The following PCDH7 variants were observed in gnomAD, a reference collection of about 807,000 sequenced individuals.
The protein encoded by PCDH7 is protocadherin 7.
In PCDH7, 17 loss-of-function variants were observed where a neutral mutation model predicts 58.9. The ratio of observed to expected loss-of-function variants is 0.29; its 90% CI spans 0.20 to 0.43. PCDH7 has a LOEUF of 0.43. PCDH7 is among the 20% of genes least tolerant of loss of function. PCDH7 has a pLI of 1.00. For missense variants in PCDH7, 1,274 were observed against 1,441.0 expected (o/e 0.88, Z 1.88); for synonymous variants, 664 against 616.4 (o/e 1.08, Z -1.14).
At chr4:30,728,296 T>TATATAG (rs1300466192) in intron 1 of PCDH7, among the ~76,000 whole-genome samples, 9 of 105,394 alleles carry the variant, frequency 8.5e-5, no homozygotes, top group African/African-American at 2.3e-4. Flanking sequence ...TATATATATA[T>TATATAG]AGAGAGAGAG....
intron 1 of PCDH7, among the ~76,000 whole-genome samples, chr4:30,898,630 G>A (rs559142425): frequency 3.9e-5 from 6 of 152,176 alleles, no homozygotes; most frequent in South Asian, 2.1e-4. Flanking sequence ...TTGCTCTGTC[G>A]CCCAGGCTGG....
intron 1 of PCDH7, among the ~76,000 whole-genome samples, chr4:30,853,361 A>C (rs1245327050): frequency 1.3e-5 from 2 of 152,050 alleles, no homozygotes; most frequent in Non-Finnish European, 2.9e-5. Flanking sequence ...AGGAAATGCT[A>C]TTTCTCTTCC....
intron 1 of PCDH7, among the ~76,000 whole-genome samples, chr4:30,782,328 G>A (rs1339339389): frequency 6.6e-6 from 1 of 152,148 alleles, no homozygotes; most frequent in Admixed American, 6.5e-5. Context: ...CATAATGTAA[G>A]GGGAACCTAT....
At chr4:31,086,067 A>C (rs1652347789) in intron 3 of PCDH7, among the ~76,000 whole-genome samples, 2 of 152,176 alleles carry the variant, frequency 1.3e-5, no homozygotes, top group Non-Finnish European at 2.9e-5. Flanking sequence ...TGAATCAGTT[A>C]ATCCATTTTA....
chr4:30,757,870 G>A (rs1014966535), intron 1 of PCDH7, among the ~76,000 whole-genome samples: 2 of 152,168 alleles, frequency 1.3e-5, no homozygotes, highest in African/African-American at 4.8e-5. Flanking sequence ...GATCAGATTA[G>A]TGACTGAAAG....
intron 1 of PCDH7, among the ~76,000 whole-genome samples, chr4:30,833,458 A>T (rs907819032): frequency 1.1e-4 from 17 of 152,140 alleles, no homozygotes; most frequent in Non-Finnish European, 2.2e-4. Context: ...GCTTCCACAT[A>T]TAAGAGCCCT....
chr4:31,013,461 T>C (rs1198342007), intron 3 of PCDH7, among the ~76,000 whole-genome samples: 1 of 149,530 alleles, frequency 6.7e-6, no homozygotes, highest in African/African-American at 2.5e-5. Context: ...ATATTATATA[T>C]AATATGTGCA....
At chr4:30,766,198 C>T (rs1448227596) in intron 1 of PCDH7, among the ~76,000 whole-genome samples, 2 of 151,784 alleles carry the variant, frequency 1.3e-5, no homozygotes, top group South Asian at 2.1e-4. Flanking sequence ...AGTATTATGA[C>T]GATTCTAAAT....
At chr4:30,882,979 C>T (rs942475540) in intron 1 of PCDH7, among the ~76,000 whole-genome samples, 5 of 152,188 alleles carry the variant, frequency 3.3e-5, no homozygotes, top group East Asian at 1.9e-4. Flanking sequence ...TCTCAAAGAG[C>T]GGCAATTTCC....
At chr4:30,791,330 G>A (rs1476064173) in intron 1 of PCDH7, among the ~76,000 whole-genome samples, 2 of 152,052 alleles carry the variant, frequency 1.3e-5, no homozygotes, top group Non-Finnish European at 2.9e-5. Flanking sequence ...ACATCTTACT[G>A]CCTCCATTTC....
chr4:30,796,620 G>A (rs1724806733), intron 1 of PCDH7, among the ~76,000 whole-genome samples: 1 of 152,200 alleles, frequency 6.6e-6, no homozygotes, highest in African/African-American at 2.4e-5. Flanking sequence ...TCAGATTCTT[G>A]CAAGGACAGA....
intron 1 of PCDH7, among the ~76,000 whole-genome samples, chr4:30,915,969 G>A (rs1339159482): frequency 6.6e-6 from 1 of 152,098 alleles, no homozygotes; most frequent in African/African-American, 2.4e-5. Context: ...CTAAATTCCT[G>A]AGTGTTACAG....
At chr4:30,806,612 C>T (rs2109310184) in intron 1 of PCDH7, among the ~76,000 whole-genome samples, 1 of 151,488 alleles carries the variant, frequency 6.6e-6, no homozygotes, top group Admixed American at 6.6e-5. Flanking sequence ...CCACCATTTC[C>T]CATTCTGAAA....
intron 3 of PCDH7, among the ~76,000 whole-genome samples, chr4:30,996,377 C>T (rs1751900639): frequency 6.6e-6 from 1 of 152,122 alleles, no homozygotes; most frequent in African/African-American, 2.4e-5. Context: ...AGCAGCTATA[C>T]CATAAAGAAA....
chr4:30,729,224 T>C (rs1010524367), intron 1 of PCDH7, among the ~76,000 whole-genome samples: 2 of 151,798 alleles, frequency 1.3e-5, no homozygotes, highest in Non-Finnish European at 3.0e-5. Context: ...CATACTACCT[T>C]TGGGGGAAAA....
intron 1 of PCDH7, among the ~76,000 whole-genome samples, chr4:30,900,246 A>G (rs9997529): frequency 0.74 from 112,093 of 152,072 alleles, 42,461 homozygotes; most frequent in African/African-American, 0.93. Context: ...GAATGGTAAA[A>G]CTAGAACACA....
At chr4:30,753,955 A>G (rs1010278065) in intron 1 of PCDH7, among the ~76,000 whole-genome samples, 5 of 152,230 alleles carry the variant, frequency 3.3e-5, no homozygotes, top group Non-Finnish European at 5.9e-5. Context: ...CCTTGATTTT[A>G]TAGATAAGTG....
intron 3 of PCDH7, among the ~76,000 whole-genome samples, chr4:31,011,693 T>C (rs919269837): frequency 3.3e-5 from 5 of 152,100 alleles, no homozygotes; most frequent in African/African-American, 9.6e-5. Context: ...TTTCATCAAC[T>C]CTCAACTTTA....
chr4:31,019,009 C>A (rs969987969), intron 3 of PCDH7, among the ~76,000 whole-genome samples: 2 of 152,082 alleles, frequency 1.3e-5, no homozygotes, highest in Non-Finnish European at 2.9e-5. Flanking sequence ...GTGTATATAT[C>A]TGCACAACTT....
Sources: allele counts gnomAD v4.1 joint callset (sites outside exome capture counted in the v4.1 genomes callset), GRCh38; gene constraint gnomAD v4.1.1; transcripts MANE v1.5; gene names NCBI Gene and HGNC (gene_info 2026-07-23, HGNC 2026-07-21).